FHIP1A: variants seen among roughly 807,000 people sequenced by gnomAD.
FHIP1A encodes FHF complex subunit HOOK interacting protein 1A, also known as FHF complex subunit HOOK-interacting protein 1A.
FHIP1A carries 61 observed loss-of-function variants against 88.6 expected under a neutral mutation model. The ratio of observed to expected loss-of-function variants is 0.69; its 90% CI spans 0.56 to 0.85. The LOEUF (loss-of-function observed/expected upper bound fraction) is 0.85, where lower values mean the gene tolerates loss of function less well. Ranked by LOEUF, FHIP1A falls within the 40% of genes least tolerant of loss-of-function variation. The pLI, the probability that FHIP1A is intolerant of heterozygous loss-of-function variation, is 0.00. For missense variants in FHIP1A, 1,154 were observed against 1,273.5 expected (o/e 0.91, Z 1.43); for synonymous variants, 478 against 496.0 (o/e 0.96, Z 0.48).
chr4:151,540,086 A>C (rs539318096), intron 3 of FHIP1A, among the ~76,000 whole-genome samples: 1 of 152,366 alleles, frequency 6.6e-6, no homozygotes, highest in African/African-American at 2.4e-5. Flanking sequence ...TTAAAGAAAT[A>C]GCCTTGGCCT....
chr4:151,599,607 C>T lies in FHIP1A; in HGVS notation c.978+10681C>T, dbSNP rs1456235271. On this transcript the variant is annotated intron_variant, in intron 7 of 13. Transcript: ENST00000435205. ...AGGCCTGCATCTCTCAGGAACAGGC[C>T]TGCCTTAGTATGCTTACTATACTCA... Among the ~76,000 whole-genome samples the T allele has an allele frequency of 2.6e-5, 4 of 152,198 alleles. No individual in the cohort carries two copies. The East Asian group carries it at 7.7e-4, about 29-fold the overall frequency.
At chr4:151,509,406 C>T (rs1264341750) in intron 3 of FHIP1A, among the ~76,000 whole-genome samples, 2 of 152,036 alleles carry the variant, frequency 1.3e-5, no homozygotes, top group Non-Finnish European at 2.9e-5. Flanking sequence ...ACCTCGTGAT[C>T]CGCCCGCCTC....
intron 7 of FHIP1A, among the ~76,000 whole-genome samples, chr4:151,606,906 A>G (rs1408849491): frequency 6.6e-6 from 1 of 152,200 alleles, no homozygotes; most frequent in Non-Finnish European, 1.5e-5. Flanking sequence ...GGGGATTCCA[A>G]CAATGTCCTG....
intron 3 of FHIP1A, among the ~76,000 whole-genome samples, chr4:151,543,331 A>G (rs1732368349): frequency 6.6e-6 from 1 of 152,168 alleles, no homozygotes; most frequent in Non-Finnish European, 1.5e-5. Flanking sequence ...CCAAAACTGT[A>G]TGCTTAGCCC....
chr4:151,431,485 C>A (rs1733589701), intron 1 of FHIP1A, among the ~76,000 whole-genome samples: 1 of 149,488 alleles, frequency 6.7e-6, no homozygotes, highest in Admixed American at 6.6e-5. Context: ...ATGTTCTTAT[C>A]ACTTACCTGA....
chr4:151,503,632 C>T (rs1424402477), intron 3 of FHIP1A, among the ~76,000 whole-genome samples: 1 of 152,008 alleles, frequency 6.6e-6, no homozygotes, highest in African/African-American at 2.4e-5. Flanking sequence ...AAAAAAAACC[C>T]AACTCATTCT....
At chr4:151,558,419 C>T (rs1194497129) in intron 3 of FHIP1A, among the ~76,000 whole-genome samples, 1 of 152,032 alleles carries the variant, frequency 6.6e-6, no homozygotes, top group African/African-American at 2.4e-5. Flanking sequence ...GCCTGTATTC[C>T]CAGCTACTCG....
intron 11 of FHIP1A, among the ~76,000 whole-genome samples, chr4:151,652,900 C>T (rs919359636): frequency 6.6e-6 from 1 of 152,184 alleles, no homozygotes; most frequent in Non-Finnish European, 1.5e-5. Context: ...GGAATGGAAA[C>T]CTTGTGCCCT....
chr4:151,425,872 T>G (rs552513969), intron 1 of FHIP1A, among the ~76,000 whole-genome samples: 1 of 152,310 alleles, frequency 6.6e-6, no homozygotes, highest in African/African-American at 2.4e-5. Context: ...GATACATGTG[T>G]GCTCGCTTCA....
chr4:151,657,855 T>A (rs1203654955), intron 13 of FHIP1A, among the ~76,000 whole-genome samples: 1 of 152,216 alleles, frequency 6.6e-6, no homozygotes, highest in Non-Finnish European at 1.5e-5. Context: ...TCTGAAGTCC[T>A]GATGCTGCCC....
At chr4:151,479,224 A>G (rs1009674243) in intron 2 of FHIP1A, among the ~76,000 whole-genome samples, 1 of 152,104 alleles carries the variant, frequency 6.6e-6, no homozygotes, top group African/African-American at 2.4e-5. Flanking sequence ...CTTAGAAGAC[A>G]TGGCTTCTAC....
chr4:151,587,672 G>A (rs1297166017), intron 6 of FHIP1A, among the ~76,000 whole-genome samples: 1 of 151,816 alleles, frequency 6.6e-6, no homozygotes, highest in Non-Finnish European at 1.5e-5. Context: ...TTTCTTTATA[G>A]TGATTGTAGG....
At chr4:151,532,047 A>G (rs916242569) in intron 3 of FHIP1A, among the ~76,000 whole-genome samples, 1 of 152,256 alleles carries the variant, frequency 6.6e-6, no homozygotes, top group African/African-American at 2.4e-5. Context: ...GTGGCATCGC[A>G]TATTTCAATG....
At chr4:151,628,433 C>T (rs1321455439) in intron 7 of FHIP1A, among the ~76,000 whole-genome samples, 1 of 151,662 alleles carries the variant, frequency 6.6e-6, no homozygotes, top group African/African-American at 2.4e-5. Flanking sequence ...CCACTCAGGG[C>T]TCATCTACAC....
chr4:151,613,929 G>A lies in FHIP1A; in HGVS notation c.979-15773G>A, dbSNP rs181038646. 2.9e-3 allele frequency among the ~76,000 whole-genome samples: 436 copies of A among 152,310 alleles called. 2 individuals carry two copies. Among genetic ancestry groups the A allele is most frequent in the African/African-American group, 0.01 (423 of 41,562 alleles). On this transcript the variant is annotated intron_variant, in intron 7 of 13. Transcript: ENST00000435205. Reference sequence around the variant, plus strand: ...TGTAATCCCAGCACTTTGGGAGGCTGAGGTGGGTGGATCACCTGAGGTCAG... The same window carrying A: ...TGTAATCCCAGCACTTTGGGAGGCTAAGGTGGGTGGATCACCTGAGGTCAG...
Position 151,419,327 on chromosome 4 carries a change from C to T in FHIP1A, c.-356+9862C>T, listed in dbSNP as rs531057370. On this transcript the variant is annotated intron_variant, in intron 1 of 13. Coordinates refer to ENST00000435205, the MANE Select transcript of FHIP1A (RefSeq NM_001109977.3). ...TCCTGCCTTCAGATTCAGACTCAAA[C>T]TATAACTTATGTTATTGTCTCTCTT... Among the ~76,000 whole-genome samples, 114 of 152,324 alleles carry T rather than the reference C, an allele frequency of 7.5e-4. 1 individual carries two copies. The highest frequency in any genetic ancestry group is 2.6e-3 in the African/African-American group (109 of 41,574).
At chr4:151,601,305 C>T (rs1341249517) in intron 7 of FHIP1A, among the ~76,000 whole-genome samples, 1 of 151,728 alleles carries the variant, frequency 6.6e-6, no homozygotes, top group African/African-American at 2.4e-5. Context: ...GGGCATAGGG[C>T]AAGGTGGAAA....
chr4:151,455,675 G>A (rs1728942356), intron 2 of FHIP1A, among the ~76,000 whole-genome samples: 2 of 152,148 alleles, frequency 1.3e-5, no homozygotes, highest in African/African-American at 4.8e-5. Context: ...TCCATCAGTG[G>A]TCCTGATCTT....
intron 2 of FHIP1A, among the ~76,000 whole-genome samples, chr4:151,455,944 A>G (rs531943200): frequency 6.6e-6 from 1 of 152,356 alleles, no homozygotes; most frequent in Non-Finnish European, 1.5e-5. Flanking sequence ...ACTGAGCCCT[A>G]GAGAACAGAA....
Sources: allele counts gnomAD v4.1 joint callset (sites outside exome capture counted in the v4.1 genomes callset), GRCh38; gene constraint gnomAD v4.1.1; transcripts MANE v1.5; gene names NCBI Gene and HGNC (gene_info 2026-07-23, HGNC 2026-07-21).